DLG5: variants seen among roughly 807,000 people sequenced by gnomAD.
DLG5 encodes discs large MAGUK scaffold protein 5.
Under a neutral mutation model 189.8 loss-of-function variants are expected in DLG5, and 48 were observed. That is an observed-to-expected ratio of 0.25 (90% CI 0.20 to 0.32). The LOEUF is 0.32. DLG5 is among the 10% of genes least tolerant of loss of function. DLG5 has a pLI of 1.00. For synonymous variants in DLG5, 1,016 were observed against 1,054.1 expected (o/e 0.96, Z 0.70); for missense variants, 2,160 against 2,544.7 (o/e 0.85, Z 3.25).
intron 1 of DLG5, among the ~76,000 whole-genome samples, chr10:77,877,244 G>A (rs553572753): frequency 7.9e-5 from 12 of 151,424 alleles, no homozygotes; most frequent in African/African-American, 2.9e-4. Context: ...AAATCATTCA[G>A]TACCATGCAA....
Position 77,923,334 on chromosome 10 carries a change from A to C in DLG5, c.304+2883T>G, listed in dbSNP as rs917036741. 3.9e-5 allele frequency among the ~76,000 whole-genome samples: 6 copies of C among 152,236 alleles called. No homozygotes were observed. The East Asian group carries it at 1.2e-3, about 29-fold the overall frequency. On this transcript the variant is annotated intron_variant, in intron 1 of 31. Coordinates refer to ENST00000372391, the MANE Select transcript of DLG5 (RefSeq NM_004747.4). ...CCTGACTATGGCTCCTCAAGGAAGA[A>C]GACTTCCATTCCTTCAGCCAGAGCC...
At chr10:77,860,662 A>G (rs924175022) in intron 2 of DLG5, among the ~76,000 whole-genome samples, 1 of 152,222 alleles carries the variant, frequency 6.6e-6, no homozygotes, top group African/African-American at 2.4e-5. Context: ...CATAAGGTAA[A>G]TATCACTGTT....
At chr10:77,837,153 C>CTCA (rs975542142) in intron 7 of DLG5, among the ~76,000 whole-genome samples, 1 of 133,678 alleles carries the variant, frequency 7.5e-6, no homozygotes, top group African/African-American at 2.9e-5. Context: ...AGACTGAGGT[C>CTCA]TCAGTGAGCC....
In DLG5 at chr10:77,835,792, C is replaced by T. The variant is rs1484191413; in HGVS notation, c.1568G>A (p.Arg523Gln). Residue 523 changes from arginine (R) to glutamine (Q), a missense_variant, in exon 8 of 32, where the codon CGG becomes CAG. Arg to Gln is a conservative substitution (Grantham distance 43, BLOSUM62 1). Coordinates refer to ENST00000372391, the MANE Select transcript of DLG5 (RefSeq NM_004747.4). ...LQEADVAKCRRDWAFQERDKI... is the reference protein window; with the variant it reads ...LQEADVAKCRQDWAFQERDKI... ...GTCTCGCTCCTGGAAGGCCCAGTCCCGCCGGCACTTGGCCACATCCGCCTC... is the reference window on the plus strand; with the variant it reads ...GTCTCGCTCCTGGAAGGCCCAGTCCTGCCGGCACTTGGCCACATCCGCCTC... The T allele has an allele frequency of 1.1e-5, 17 of 1,613,866 alleles. No homozygotes were observed. The highest frequency in any genetic ancestry group is 1.7e-5 in the Admixed American group (1 of 60,008).
chr10:77,867,435 C>T (rs893831174), intron 2 of DLG5, among the ~76,000 whole-genome samples: 2 of 152,334 alleles, frequency 1.3e-5, no homozygotes, highest in Admixed American at 1.3e-4. Flanking sequence ...AAAAGCCTCA[C>T]CTTCCCCATC....
intron 27 of DLG5, among the ~76,000 whole-genome samples, chr10:77,803,838 AC>A (rs755530908): frequency 6.6e-6 from 1 of 152,122 alleles, no homozygotes; most frequent in Non-Finnish European, 1.5e-5. Flanking sequence ...AGGAAAAAAA[AC>A]AAAAAGCAAA....
upstream of DLG5, chr10:77,926,904 G>A: frequency 5.8e-6 from 2 of 344,008 alleles, no homozygotes; most frequent in South Asian, 2.0e-5. This position sits in a 1 kb window ranked among gnomAD's most constrained non-coding sequence, Gnocchi z 5.2. Context: ...GAGAAAACTC[G>A]CCCCGAAAGC....
chr10:77,808,077 T>G lies in DLG5; in HGVS notation c.4648-133A>C, dbSNP rs535838052. 2.0e-4 allele frequency: 222 copies of G among 1,112,132 alleles called. 5 individuals are homozygous for G. The South Asian group carries it at 3.1e-3, about 16-fold the overall frequency. 68.9% of individuals were successfully genotyped at this position (1,112,132 alleles called of 1,614,324 possible). A position where few individuals can be genotyped will look rare whatever the true frequency, so the allele number is the denominator to read the frequency against. On this transcript the variant is annotated intron_variant, in intron 24 of 31. Transcript: ENST00000372391. ...TAACTGAGACTCTGGCTACCTCCCC[T>G]CTGCAGGAAGGACTGAGTCTTCATG...
chr10:77,830,167 TGGGAAGAA>T (rs758557191), intron 11 of DLG5, 42 bp downstream of exon 11: 1 of 1,610,910 alleles, frequency 6.2e-7, no homozygotes, highest in South Asian at 1.1e-5. Flanking sequence ...TCCTCTGCAC[TGGGAAGAA>T]GGGCCCCACC....
intron 1 of DLG5, among the ~76,000 whole-genome samples, chr10:77,898,426 C>T (rs540114856): frequency 2.6e-5 from 4 of 152,360 alleles, no homozygotes; most frequent in East Asian, 1.9e-4. Context: ...AATCTGAGGA[C>T]GGGTCCCCTG....
In DLG5 at chr10:77,817,022, C is replaced by A. The variant is rs767597964; in HGVS notation, c.3859G>T (p.Val1287Leu). 2.5e-6 allele frequency: 4 copies of A among 1,614,072 alleles called. No individual in the cohort carries two copies. Among genetic ancestry groups the A allele is most frequent in the Admixed American group, 1.7e-5 (1 of 60,016 alleles). ...AAGTCCTTACCTCTCTCGGAGCCCACGACACTCCGCGGATATCTTGGTGTT... is the reference window on the plus strand; with the variant it reads ...AAGTCCTTACCTCTCTCGGAGCCCAAGACACTCCGCGGATATCTTGGTGTT... ...PSTPRYPRSV[V>L]GSERGSVSHS... Residue 1287 changes from valine to leucine, a missense_variant, in exon 19 of 32, where the codon GTG (valine) becomes TTG (leucine). By Grantham distance (32) the Val-to-Leu change is conservative (BLOSUM62 1). Transcript: ENST00000372391.
chr10:77,837,128 T>C (rs559151839), intron 7 of DLG5, among the ~76,000 whole-genome samples: 76 of 144,582 alleles, frequency 5.3e-4, no homozygotes, highest in African/African-American at 1.9e-3. Context: ...GGCAGGAGAA[T>C]TGCTTGAACT....
At chr10:77,904,325 T>C (rs1156746779) in intron 1 of DLG5, among the ~76,000 whole-genome samples, 8 of 151,978 alleles carry the variant, frequency 5.3e-5, no homozygotes, top group Non-Finnish European at 8.8e-5. Context: ...GGAAGGGACT[T>C]GCCTTGTCTC....
intron 1 of DLG5, chr10:77,912,591 T>C (rs1277073467): frequency 6.6e-6 from 1 of 152,162 alleles, no homozygotes; most frequent in Admixed American, 6.5e-5. Flanking sequence ...CTCACTGCAA[T>C]TGACCTTCTG....
intron 5 of DLG5, 119 bp from the exon 6 acceptor site, chr10:77,843,825 G>A: frequency 7.3e-7 from 1 of 1,361,154 alleles, no homozygotes. Flanking sequence ...GGGGGAGGGG[G>A]TTACCCTAAA....
rs1843542866 is a variant in DLG5 at position 77,843,694 on chromosome 10, T to C, written c.877A>G (p.Asn293Asp). 1 of 1,614,110 alleles carries C rather than the reference T, an allele frequency of 6.2e-7. No individual in the cohort carries two copies. The highest frequency in any genetic ancestry group is 2.2e-5 in the East Asian group (1 of 44,878). ...TTGTTGAGAATCTCGGATGACCCGT[T>C]GTGCTTCAACACCTGGAGACCAGAC... ...RAQQQQVLKHNGSSEILNKLY... is the reference protein window; with the variant it reads ...RAQQQQVLKHDGSSEILNKLY... Residue 293 changes from asparagine to aspartate, a missense_variant, in exon 6 of 32, where the codon AAC becomes GAC. This residue lies in a region of DLG5 where 664 missense variants were observed against 838.5 expected (regional missense o/e 0.79). Coordinates refer to ENST00000372391, the MANE Select transcript of DLG5 (RefSeq NM_004747.4).
upstream of DLG5, among the ~76,000 whole-genome samples, chr10:77,930,102 C>T (rs1237697012): frequency 6.6e-6 from 1 of 152,098 alleles, no homozygotes; most frequent in African/African-American, 2.4e-5. Context: ...TATCCCTCTC[C>T]TCCCCTGCAC....
At position 77,830,885 on chromosome 10, in the gene DLG5, G is replaced by A; in HGVS notation, c.1749-12C>T. 1 of 1,613,604 alleles carries A rather than the reference G, an allele frequency of 6.2e-7. No homozygotes were observed. The highest frequency in any genetic ancestry group is 8.5e-7 in the Non-Finnish European group (1 of 1,179,744). Reference sequence around the variant, plus strand: ...ATTCCATCTGTTCCCTGTGAACAGAGAGAGCCACGGTGACAGCCCCTTGGG... The same window carrying A: ...ATTCCATCTGTTCCCTGTGAACAGAAAGAGCCACGGTGACAGCCCCTTGGG... On this transcript the variant is annotated splice_polypyrimidine_tract_variant and intron_variant, in intron 9 of 31. Transcript: ENST00000372391.
In DLG5 at chr10:77,880,962, C is replaced by CTTTTT. The variant is rs61636782; in HGVS notation, c.305-11770_305-11766dup. ...GGACTCTCATCCACTAACCCTAGAC[C>CTTTTT]TTTTTTTTTTTTTTTTTTTTTTTTT... On this transcript the variant is annotated intron_variant, in intron 1 of 31. Coordinates refer to ENST00000372391, the MANE Select transcript of DLG5 (RefSeq NM_004747.4). Among the ~76,000 whole-genome samples, 87 of 73,280 alleles carry CTTTTT rather than the reference C, an allele frequency of 1.2e-3. 9 individuals carry two copies. The highest frequency in any genetic ancestry group is 1.5e-3 in the Non-Finnish European group (64 of 42,102). 48.1% of individuals were successfully genotyped at this position (73,280 alleles called of 152,430 possible).
Sources: gnomAD v4.1 joint callset for allele counts (sites outside exome capture counted in the v4.1 genomes callset) on GRCh38, gnomAD v4.1.1 for gene constraint, gnomAD v4.1.1 regional missense constraint, Gnocchi (gnomAD v3.1) non-coding constraint, MANE v1.5 for transcripts, NCBI Gene and HGNC (gene_info 2026-07-23, HGNC 2026-07-21) for gene names.